The following FREM2 variants were observed in gnomAD, a reference collection of about 807,000 sequenced individuals.
FREM2 encodes FRAS1-related extracellular matrix protein 2.
FREM2 carries 119 observed loss-of-function variants against 219.9 expected under a neutral mutation model. The ratio of observed to expected loss-of-function variants is 0.54; its 90% CI spans 0.47 to 0.63. The LOEUF is 0.63. FREM2 is among the 30% of genes least tolerant of loss of function. The pLI, the probability that FREM2 is intolerant of heterozygous loss-of-function variation, is 0.00. For synonymous variants in FREM2, 1,562 were observed against 1,522.8 expected (o/e 1.03, Z -0.60); for missense variants, 4,030 against 3,993.6 (o/e 1.01, Z -0.25).
chr13:38,856,686 C>G (rs1253914024), intron 12 of FREM2, among the ~76,000 whole-genome samples: 2 of 151,868 alleles, frequency 1.3e-5, no homozygotes, highest in African/African-American at 2.4e-5. Context: ...GTCTGTTTCT[C>G]CTGGCTTTAT....
chr13:38,782,255 C>T (rs1874146188), intron 4 of FREM2, among the ~76,000 whole-genome samples: 1 of 152,164 alleles, frequency 6.6e-6, no homozygotes, highest in Non-Finnish European at 1.5e-5. Flanking sequence ...AGTCAAATCC[C>T]AGAGTATCTG....
At chr13:38,744,339 T>C (rs1872376856) in intron 2 of FREM2, among the ~76,000 whole-genome samples, 2 of 151,372 alleles carry the variant, frequency 1.3e-5, no homozygotes, top group Admixed American at 1.3e-4. Context: ...GCCTCCCTAG[T>C]AGCTGGGAGT....
chr13:38,708,629 G>A (rs575595091), intron 2 of FREM2, among the ~76,000 whole-genome samples: 2 of 152,220 alleles, frequency 1.3e-5, no homozygotes, highest in African/African-American at 4.8e-5. Context: ...ACCCCAGCCT[G>A]GGTGACAGAA....
intron 4 of FREM2, 46 bp downstream of exon 4, chr13:38,769,854 T>C: frequency 7.3e-7 from 1 of 1,372,302 alleles, no homozygotes; most frequent in Non-Finnish European, 1.0e-6. Flanking sequence ...GTTGGGCTGC[T>C]ATGACAAAAT....
At chr13:38,858,566 T>G (rs1017892314) in intron 13 of FREM2, among the ~76,000 whole-genome samples, 1 of 152,170 alleles carries the variant, frequency 6.6e-6, no homozygotes, top group Admixed American at 6.5e-5. Context: ...ATCACTACTT[T>G]CAAAATTTGC....
intron 4 of FREM2, among the ~76,000 whole-genome samples, chr13:38,780,806 C>G (rs937269631): frequency 6.6e-6 from 1 of 152,196 alleles, no homozygotes; most frequent in African/African-American, 2.4e-5. Context: ...GCACCTCTAA[C>G]CATAGGATAC....
intron 6 of FREM2, among the ~76,000 whole-genome samples, chr13:38,824,823 T>C (rs891700509): frequency 6.6e-6 from 1 of 151,998 alleles, no homozygotes; most frequent in Non-Finnish European, 1.5e-5. Flanking sequence ...GAATTCAGAC[T>C]CCTCTCCTCC....
intron 2 of FREM2, among the ~76,000 whole-genome samples, chr13:38,719,632 T>C (rs1593363864): frequency 6.6e-6 from 1 of 152,228 alleles, no homozygotes; most frequent in East Asian, 1.9e-4. Context: ...GGATAATCTC[T>C]TCATCTCGAG....
chr13:38,826,429 C>A (rs983026641), intron 6 of FREM2, among the ~76,000 whole-genome samples: 2 of 152,044 alleles, frequency 1.3e-5, no homozygotes, highest in East Asian at 3.9e-4. Context: ...AATGCAATAG[C>A]GTTGACTGCT....
At chr13:38,770,311 G>C (rs182095548) in intron 4 of FREM2, among the ~76,000 whole-genome samples, 3 of 151,448 alleles carry the variant, frequency 2.0e-5, no homozygotes, top group African/African-American at 4.8e-5. Context: ...TCCCAACTCA[G>C]CCTCCCAAAG....
At chr13:38,872,440 T>A (rs777508081) in intron 16 of FREM2, among the ~76,000 whole-genome samples, 10 of 150,600 alleles carry the variant, frequency 6.6e-5, no homozygotes, top group Non-Finnish European at 1.0e-4. Context: ...ACATGGTATG[T>A]AAACTATCTT....
At chr13:38,727,641 A>T in intron 2 of FREM2, among the ~76,000 whole-genome samples, 1 of 152,266 alleles carries the variant, frequency 6.6e-6, no homozygotes, top group African/African-American at 2.4e-5. Context: ...CACTTGACAC[A>T]AAGTAAACTC....
chr13:38,755,102 C>G (rs923339744), intron 2 of FREM2, among the ~76,000 whole-genome samples: 5 of 151,946 alleles, frequency 3.3e-5, no homozygotes, highest in African/African-American at 1.2e-4. Context: ...AGGGTTTCAC[C>G]ATGTTGGTCA....
chr13:38,699,761 C>T (rs1225373859), intron 2 of FREM2, among the ~76,000 whole-genome samples: 1 of 152,080 alleles, frequency 6.6e-6, no homozygotes, highest in African/African-American at 2.4e-5. Flanking sequence ...ATTAAAAAGT[C>T]ACATTGGTAT....
At chr13:38,768,563 C>A (rs184874864) in intron 3 of FREM2, among the ~76,000 whole-genome samples, 2 of 152,182 alleles carry the variant, frequency 1.3e-5, no homozygotes, top group Admixed American at 1.3e-4. Flanking sequence ...AAACCTGAGC[C>A]ACCATGCCCA....
chr13:38,689,738 A>G lies in FREM2; in HGVS notation c.2394A>G (p.Arg798=). ...PPGQELGVAT[R]VAQFQFQVED... ...GTCAAGAACTGGGCGTGGCTACTCG[A>G]GTGGCCCAGTTCCAGTTCCAGGTGG... Residue 798 remains arginine, a synonymous_variant, in exon 1 of 24, where the codon CGA becomes CGG. Transcript: ENST00000280481. 1 of 1,613,350 alleles carries G rather than the reference A, an allele frequency of 6.2e-7. No individual in the cohort carries two copies. The highest frequency in any genetic ancestry group is 8.5e-7 in the Non-Finnish European group (1 of 1,179,652).
rs1157011161 is a variant in FREM2, at chr13:38,690,288, A to T, written c.2944A>T (p.Thr982Ser). ...TNEETDDLML[T>S]FLLEDPPLYG... ...TGAGGAAACTGATGACTTGATGTTG[A>T]CTTTCCTCTTGGAAGATCCACCTTT... Residue 982 changes from threonine (T) to serine (S), a missense_variant, in exon 1 of 24, where the codon ACT (threonine) becomes TCT (serine). Thr to Ser is a moderately conservative substitution (Grantham distance 58). Transcript: ENST00000280481. 6.2e-7 allele frequency: 1 copy of T among 1,614,174 alleles called. No homozygotes were observed. The highest frequency in any genetic ancestry group is 8.5e-7 in the Non-Finnish European group (1 of 1,180,016).
intron 10 of FREM2, among the ~76,000 whole-genome samples, 196 bp downstream of exon 10, chr13:38,851,304 G>C (rs1877361821): frequency 6.6e-6 from 1 of 152,180 alleles, no homozygotes; most frequent in Non-Finnish European, 1.5e-5. Context: ...GTTGATGCTG[G>C]AGAATATGGC....
At chr13:38,707,221 A>G (rs1424872601) in intron 2 of FREM2, among the ~76,000 whole-genome samples, 3 of 152,188 alleles carry the variant, frequency 2.0e-5, no homozygotes, top group Non-Finnish European at 1.5e-5. Flanking sequence ...GAATTCTTAC[A>G]TTTTTAGGAG....
Sources: allele counts gnomAD v4.1 joint callset (sites outside exome capture counted in the v4.1 genomes callset), GRCh38; gene constraint gnomAD v4.1.1; transcripts MANE v1.5; gene names NCBI Gene and HGNC (gene_info 2026-07-23, HGNC 2026-07-21).